Variants in RAD17 observed in about 807,000 individuals in gnomAD.
RAD17 encodes RAD17 checkpoint clamp loader component.
A neutral mutation model predicts 81.5 loss-of-function variants in RAD17; 31 were observed. That is an observed-to-expected ratio of 0.38 (90% CI 0.29 to 0.51). RAD17 has a LOEUF of 0.51. RAD17 is among the 20% of genes least tolerant of loss of function. The pLI, the probability that RAD17 is intolerant of heterozygous loss-of-function variation, is 0.88. For missense variants in RAD17, 681 were observed against 781.2 expected, an observed-to-expected ratio of 0.87 and a Z score of 1.53; for synonymous variants, 261 against 266.2, an observed-to-expected ratio of 0.98 and a Z score of 0.19.
intron 17 of RAD17, among the ~76,000 whole-genome samples, chr5:69,404,709 C>T (rs1765484692): frequency 1.3e-5 from 2 of 150,000 alleles, no homozygotes; most frequent in African/African-American, 4.9e-5. Context: ...GCGGAGGTTG[C>T]CATGAGCCGA....
chr5:69,372,455 A>G (rs1763065905), intron 4 of RAD17, among the ~76,000 whole-genome samples: 1 of 152,208 alleles, frequency 6.6e-6, no homozygotes, highest in Non-Finnish European at 1.5e-5. Context: ...TGAAAGAAAT[A>G]TATAACTTGG....
In RAD17 at chr5:69,396,378, A is replaced by G. The variant is rs779439536; in HGVS notation, c.1423-19A>G. On this transcript the variant is annotated intron_variant, in intron 15 of 18. Transcript: ENST00000354868. ...CTTTTATAAATCTATTTTCTTTCACATCTTGTCTCATTTGTTAGACACGCT... is the reference window on the plus strand; with the variant it reads ...CTTTTATAAATCTATTTTCTTTCACGTCTTGTCTCATTTGTTAGACACGCT... The G allele has an allele frequency of 1.1e-5, 17 of 1,601,642 alleles. No individual in the cohort carries two copies. The highest frequency in any genetic ancestry group is 1.3e-5 in the Non-Finnish European group (15 of 1,172,866).
Position 69,372,202 on chromosome 5 carries a change from G to C in RAD17, c.-7G>C. On this transcript the variant is annotated 5_prime_UTR_variant, in exon 4 of 19. Transcript: ENST00000354868. ...AGTACCAGTCACAATCTTTTGATGA[G>C]GACGAAATGAATCAGGTAGCTATGA... The C allele has an allele frequency of 6.2e-7, 1 of 1,607,706 alleles. No individual in the cohort carries two copies. The highest frequency in any genetic ancestry group is 8.5e-7 in the Non-Finnish European group (1 of 1,175,036).
At chr5:69,405,794 C>T (rs1267721922) in intron 17 of RAD17, among the ~76,000 whole-genome samples, 1 of 152,052 alleles carries the variant, frequency 6.6e-6, no homozygotes, top group Non-Finnish European at 1.5e-5. Context: ...GTAATCCCAG[C>T]ACTTTGGGAG....
chr5:69,371,027 G>C lies in RAD17; in HGVS notation c.-416-8G>C, dbSNP rs1484072910. The C allele has an allele frequency of 3.6e-6, 1 of 276,688 alleles. No homozygotes were observed. The highest frequency in any genetic ancestry group is 2.2e-5 in the African/African-American group (1 of 44,700). The allele number at this position is 276,688 out of a possible 1,614,324, so 17.1% of individuals were successfully genotyped here. On this transcript the variant is annotated splice_region_variant and splice_polypyrimidine_tract_variant and intron_variant, in intron 1 of 18. Transcript: ENST00000354868. ...TTACAGTTTAAGACTTAAATTCTTC[G>C]TCCACAGCAAGTGAATTCATGGTAT...
At chr5:69,410,374 T>C in intron 17 of RAD17, 119 bp from the exon 18 acceptor site, 2 of 712,138 alleles carry the variant, frequency 2.8e-6, no homozygotes, top group Non-Finnish European at 4.7e-6. Flanking sequence ...TATCTCACTA[T>C]GGCTTGGATT....
At position 69,369,905 on chromosome 5, in the gene RAD17, C is replaced by T. The variant is rs1053369457; in HGVS notation, c.-445C>T. On this transcript the variant is annotated 5_prime_UTR_variant, in exon 1 of 19. Transcript: ENST00000354868. ...GTAGTCCCTGGTCGCCTCCGCTCTT[C>T]GCCTAAAAGGGGATGCAGCTCCGGG... The T allele has an allele frequency of 5.1e-6, 3 of 584,020 alleles. No individual in the cohort carries two copies. Among genetic ancestry groups the T allele is most frequent in the Non-Finnish European group, 9.0e-6 (3 of 331,680 alleles). The allele number at this position is 584,020 out of a possible 1,614,324, so 36.2% of individuals were successfully genotyped here. A position where few individuals can be genotyped will look rare whatever the true frequency, so the allele number is the denominator to read the frequency against.
chr5:69,407,157 C>T (rs1466853298), intron 17 of RAD17, among the ~76,000 whole-genome samples: 2 of 151,884 alleles, frequency 1.3e-5, no homozygotes, highest in Admixed American at 1.3e-4. Context: ...CGCATACCAC[C>T]ACACCCAGCT....
intron 6 of RAD17, among the ~76,000 whole-genome samples, chr5:69,378,012 G>T (rs1763623380): frequency 6.6e-6 from 1 of 151,876 alleles, no homozygotes; most frequent in Admixed American, 6.6e-5. Context: ...GCCCACGCTG[G>T]TCTTGAATTC....
chr5:69,381,856 T>C, intron 6 of RAD17, 45 bp from the exon 7 acceptor site: 1 of 1,341,658 alleles, frequency 7.5e-7, no homozygotes, highest in Non-Finnish European at 1.0e-6. Flanking sequence ...TATTCTAGCA[T>C]TCCAGTGATT....
At chr5:69,374,198 C>T (rs1763199034) in intron 5 of RAD17, 111 bp downstream of exon 5, 2 of 975,028 alleles carry the variant, frequency 2.1e-6, no homozygotes, top group Admixed American at 2.7e-5. Context: ...AAGAATCTTT[C>T]TAAGTGTTAG....
At chr5:69,380,073 G>T (rs10068576) in intron 6 of RAD17, among the ~76,000 whole-genome samples, 1 of 151,682 alleles carries the variant, frequency 6.6e-6, no homozygotes, top group Non-Finnish European at 1.5e-5. Context: ...TAGAGATGGG[G>T]TTTCTCCATG....
At chr5:69,406,141 C>T (rs552551317) in intron 17 of RAD17, among the ~76,000 whole-genome samples, 2 of 151,962 alleles carry the variant, frequency 1.3e-5, no homozygotes, top group African/African-American at 2.4e-5. Context: ...CAAGATATAG[C>T]GTCAGTCTAA....
chr5:69,390,478 GAAA>G (rs945825426), intron 12 of RAD17, among the ~76,000 whole-genome samples: 1 of 149,946 alleles, frequency 6.7e-6, no homozygotes, highest in Admixed American at 6.7e-5. Context: ...AAAAATTAAG[GAAA>G]AAAAATAAAA....
At chr5:69,406,238 G>C (rs1765596021) in intron 17 of RAD17, among the ~76,000 whole-genome samples, 1 of 152,110 alleles carries the variant, frequency 6.6e-6, no homozygotes, top group Non-Finnish European at 1.5e-5. Flanking sequence ...GTCATTTGCA[G>C]TAACATGGAT....
intron 6 of RAD17, among the ~76,000 whole-genome samples, chr5:69,376,754 C>G (rs1763356277): frequency 1.0e-5 from 1 of 97,406 alleles, no homozygotes; most frequent in Non-Finnish European, 2.2e-5. Context: ...GGTAACAGAT[C>G]CTTCTCTCTT....
At chr5:69,396,358 A>C in intron 15 of RAD17, 39 bp from the exon 16 acceptor site, 2 of 1,580,724 alleles carry the variant, frequency 1.3e-6, no homozygotes, top group Non-Finnish European at 1.7e-6. Flanking sequence ...ATGCTCTTTT[A>C]TAAATCTATT....
chr5:69,377,609 GTATACATATA>G (rs1763531018), intron 6 of RAD17, among the ~76,000 whole-genome samples: 2 of 25,668 alleles, frequency 7.8e-5, no homozygotes, highest in Admixed American at 5.1e-4. Flanking sequence ...ATATATATAT[GTATACATATA>G]TATGCATATA....
chr5:69,387,219 C>T (rs968755326), intron 11 of RAD17, among the ~76,000 whole-genome samples: 3 of 152,104 alleles, frequency 2.0e-5, no homozygotes, highest in Middle Eastern at 3.4e-3. Context: ...CCTCTGTGCC[C>T]GGCTTCTTTT....
Sources: allele counts gnomAD v4.1 joint callset (sites outside exome capture counted in the v4.1 genomes callset), GRCh38; gene constraint gnomAD v4.1.1; transcripts MANE v1.5; gene names NCBI Gene and HGNC (gene_info 2026-07-23, HGNC 2026-07-21).